The following POU2F1 variants were observed in gnomAD, a reference collection of about 807,000 sequenced individuals.
POU2F1 encodes the protein POU class 2 homeobox 1, also known as POU domain, class 2, transcription factor 1.
In POU2F1, 16 loss-of-function variants were observed where a neutral mutation model predicts 84.9. That is an observed-to-expected ratio of 0.19 (90% CI 0.13 to 0.29). POU2F1 has a LOEUF of 0.29. POU2F1 is among the 10% of genes least tolerant of loss of function. The probability of loss-of-function intolerance (pLI) is 1.00; values close to 1 mark genes in which losing one functional copy is unlikely to be tolerated. For missense variants in POU2F1, 738 were observed against 942.6 expected (o/e 0.78, Z 2.84); for synonymous variants, 368 against 368.3 (o/e 1.00, Z 0.01).
chr1:167,413,185 G>A (rs1035341282), intron 15 of POU2F1, 71 bp downstream of exon 15: 2 of 1,268,630 alleles, frequency 1.6e-6, no homozygotes, highest in South Asian at 1.3e-5. Flanking sequence ...GTGTGTGTGT[G>A]TGTGCTTGAG....
rs1571496209 is a variant in POU2F1, at chr1:167,426,324, T to C, written c.*10514T>C. ...TGAAAATAATTGAACTGTCCTATTC[T>C]TAGTAGTTTGAAATAATAGTATTTT... On this transcript the variant is annotated 3_prime_UTR_variant, in exon 16 of 16. Coordinates refer to ENST00000367866, the MANE Select transcript of POU2F1 (RefSeq NM_002697.4). The C allele has an allele frequency of 1.3e-5, 2 of 152,348 alleles. No homozygotes were observed. The highest frequency in any genetic ancestry group is 2.1e-4 in the South Asian group (1 of 4,828). 9.4% of individuals were successfully genotyped at this position (152,348 alleles called of 1,614,324 possible).
intron 2 of POU2F1, chr1:167,338,140 CT>C: frequency 8.6e-6 from 4 of 466,804 alleles, no homozygotes. Flanking sequence ...CCCCTTCCAG[CT>C]TTTTGTCTTC....
chr1:167,396,498 G>A, intron 10 of POU2F1, 71 bp downstream of exon 10: 2 of 1,468,222 alleles, frequency 1.4e-6, no homozygotes, highest in Non-Finnish European at 1.9e-6. Context: ...TATAAATTGG[G>A]GTTTATATTT....
At chr1:167,364,022 T>C (rs975062172) in intron 2 of POU2F1, among the ~76,000 whole-genome samples, 1 of 152,210 alleles carries the variant, frequency 6.6e-6, no homozygotes, top group African/African-American at 2.4e-5. Context: ...TGGTAGGAAA[T>C]GGAAGTGTAG....
At chr1:167,301,476 A>C (rs1359400134) in intron 1 of POU2F1, among the ~76,000 whole-genome samples, 1 of 152,226 alleles carries the variant, frequency 6.6e-6, no homozygotes, top group African/African-American at 2.4e-5. Flanking sequence ...AACTTTTAAA[A>C]CCAATCTGAA....
chr1:167,343,308 A>G (rs1372511091), intron 2 of POU2F1, among the ~76,000 whole-genome samples: 1 of 152,204 alleles, frequency 6.6e-6, no homozygotes, highest in African/African-American at 2.4e-5. Flanking sequence ...TAGAATTTTA[A>G]AGGTAGTATC....
chr1:167,281,751 G>A (rs1365731221), intron 1 of POU2F1, among the ~76,000 whole-genome samples: 4 of 152,204 alleles, frequency 2.6e-5, no homozygotes, highest in African/African-American at 4.8e-5. Context: ...CTTAAAATAC[G>A]TAATGAGGCA....
At chr1:167,414,766 G>GGC in intron 15 of POU2F1, 4 of 955,172 alleles carry the variant, frequency 4.2e-6, no homozygotes, top group Non-Finnish European at 5.0e-6. Flanking sequence ...TAGAAATCAA[G>GGC]TATTTAGCCT....
chr1:167,362,902 T>C (rs1659435777), intron 2 of POU2F1, among the ~76,000 whole-genome samples: 1 of 152,138 alleles, frequency 6.6e-6, no homozygotes, highest in African/African-American at 2.4e-5. Flanking sequence ...TGCTCCTGAC[T>C]GGGCCCTTTG....
chr1:167,392,043 C>G (rs964968034), intron 9 of POU2F1, among the ~76,000 whole-genome samples: 3 of 151,990 alleles, frequency 2.0e-5, no homozygotes, highest in Admixed American at 2.0e-4. Context: ...CTTAAATGAT[C>G]TGACCTGTTT....
intron 4 of POU2F1, among the ~76,000 whole-genome samples, chr1:167,370,483 A>G (rs756650954): frequency 9.9e-5 from 15 of 152,210 alleles, no homozygotes; most frequent in Non-Finnish European, 2.1e-4. Flanking sequence ...TCTAAGTTAT[A>G]CTGCTATAAC....
At chr1:167,397,844 C>A (rs1385397282) in intron 10 of POU2F1, 150 bp from the exon 11 acceptor site, 1 of 812,866 alleles carries the variant, frequency 1.2e-6, no homozygotes, top group Non-Finnish European at 1.8e-6. Context: ...CATGCCCGGC[C>A]AATAAGCAAT....
rs934668911 is a variant in POU2F1, at chr1:167,418,178, A to G, written c.*2368A>G. On this transcript the variant is annotated 3_prime_UTR_variant, in exon 16 of 16. Transcript: ENST00000367866. ...ATCGAGGAGATAGATGCTACTGACAATTTCTTTTTCATTTGTCTTTATTAA... is the reference window on the plus strand; with the variant it reads ...ATCGAGGAGATAGATGCTACTGACAGTTTCTTTTTCATTTGTCTTTATTAA... 2.2e-4 allele frequency: 34 copies of G among 152,282 alleles called. 1 individual carries two copies. The highest frequency in any genetic ancestry group is 6.7e-4 in the African/African-American group (28 of 41,548). 9.4% of individuals were successfully genotyped at this position (152,282 alleles called of 1,614,324 possible).
At chr1:167,278,830 T>TTAAA (rs368005967) in intron 1 of POU2F1, among the ~76,000 whole-genome samples, 7 of 145,620 alleles carry the variant, frequency 4.8e-5, no homozygotes, top group African/African-American at 1.5e-4. Context: ...TAAAATTCTA[T>TTAAA]TTTAATAGAA....
At chr1:167,366,047 A>C (rs1405569814) in intron 3 of POU2F1, among the ~76,000 whole-genome samples, 1 of 152,204 alleles carries the variant, frequency 6.6e-6, no homozygotes, top group Non-Finnish European at 1.5e-5. Flanking sequence ...GAGGTTCAAA[A>C]GACTCTGCCT....
In POU2F1 at chr1:167,383,955, A is replaced by G. The variant is rs780720420; in HGVS notation, c.813+4A>G. On this transcript the variant is annotated splice_donor_region_variant and intron_variant, in intron 8 of 15. Coordinates refer to ENST00000367866, the MANE Select transcript of POU2F1 (RefSeq NM_002697.4). ...AAGCATCACCCTCACCTCCCAGGTC[A>G]GTTTTCTTCTATGGGGGCTGCTTTC... The G allele has an allele frequency of 2.1e-5, 33 of 1,607,850 alleles. No homozygotes were observed. Among genetic ancestry groups the G allele is most frequent in the Non-Finnish European group, 2.6e-5 (30 of 1,175,984 alleles).
At chr1:167,279,575 G>A (rs945868178) in intron 1 of POU2F1, among the ~76,000 whole-genome samples, 19 of 152,156 alleles carry the variant, frequency 1.2e-4, no homozygotes, top group African/African-American at 3.1e-4. Flanking sequence ...AGAGGGGGCC[G>A]TGCATGGTGG....
intron 13 of POU2F1, among the ~76,000 whole-genome samples, chr1:167,404,177 ATCTT>A (rs1453130872): frequency 2.0e-5 from 3 of 148,992 alleles, no homozygotes; most frequent in Non-Finnish European, 4.5e-5. Context: ...CTGGTAATTT[ATCTT>A]TTTTTTTTTT....
chr1:167,315,880 C>T (rs947098937), intron 1 of POU2F1, among the ~76,000 whole-genome samples: 3 of 151,238 alleles, frequency 2.0e-5, no homozygotes, highest in Non-Finnish European at 4.4e-5. Flanking sequence ...ACTTAATATT[C>T]AACGAGAAAA....
Sources: gnomAD v4.1 joint callset for allele counts (sites outside exome capture counted in the v4.1 genomes callset) on GRCh38, gnomAD v4.1.1 for gene constraint, MANE v1.5 for transcripts, NCBI Gene and HGNC (gene_info 2026-07-23, HGNC 2026-07-21) for gene names.